Variants in PARD3 observed in about 807,000 individuals in gnomAD.
PARD3 encodes par-3 family cell polarity regulator, also known as partitioning defective 3 homolog.
A neutral mutation model predicts 155.4 loss-of-function variants in PARD3; 75 were observed. The ratio of observed to expected loss-of-function variants is 0.48; its 90% CI spans 0.40 to 0.58. The LOEUF (loss-of-function observed/expected upper bound fraction) is 0.58. Ranked by LOEUF, PARD3 falls within the 20% of genes least tolerant of loss-of-function variation. The pLI is 0.00. For synonymous variants in PARD3, 576 were observed against 610.5 expected, an observed-to-expected ratio of 0.94 and a Z score of 0.83; for missense variants, 1,642 against 1,721.7, an observed-to-expected ratio of 0.95 and a Z score of 0.82.
chr10:34,543,263 C>T (rs1479399620), intron 2 of PARD3, among the ~76,000 whole-genome samples: 1 of 151,886 alleles, frequency 6.6e-6, no homozygotes, highest in African/African-American at 2.4e-5. Flanking sequence ...AGAGCAAAAC[C>T]CTGTCTCCAA....
At chr10:34,610,428 T>C (rs1221413291) in intron 2 of PARD3, among the ~76,000 whole-genome samples, 1 of 152,156 alleles carries the variant, frequency 6.6e-6, no homozygotes, top group Non-Finnish European at 1.5e-5. Context: ...GGTCGGACAT[T>C]ATGGGAACAG....
At chr10:34,627,735 G>C (rs944557239) in intron 2 of PARD3, among the ~76,000 whole-genome samples, 1 of 152,300 alleles carries the variant, frequency 6.6e-6, no homozygotes, top group Non-Finnish European at 1.5e-5. Context: ...CCAGCCTCCA[G>C]AACTGTGAGA....
chr10:34,364,590 G>A (rs555360114), intron 12 of PARD3, among the ~76,000 whole-genome samples: 1 of 151,942 alleles, frequency 6.6e-6, no homozygotes, highest in Non-Finnish European at 1.5e-5. Flanking sequence ...ACACCACCAA[G>A]CCTGACTAAC....
intron 2 of PARD3, among the ~76,000 whole-genome samples, chr10:34,597,428 A>AT (rs2089384732): frequency 6.6e-6 from 1 of 150,964 alleles, no homozygotes; most frequent in Admixed American, 6.6e-5. Context: ...TTATTTATTT[A>AT]CTATTATTAT....
At chr10:34,742,213 T>G (rs997322496) in intron 1 of PARD3, among the ~76,000 whole-genome samples, 1 of 152,158 alleles carries the variant, frequency 6.6e-6, no homozygotes, top group African/African-American at 2.4e-5. Flanking sequence ...AATGACAAAC[T>G]ACAAACAATC....
In PARD3 at chr10:34,815,050, C is replaced by G. The variant is rs1844737995; in HGVS notation, c.-55G>C. On this transcript the variant is annotated 5_prime_UTR_variant, in exon 1 of 25. Transcript: ENST00000374788. ...CCTCGCCGAGCGCAGCCGGAGCAGC[C>G]GAGGCCGGGACCGAGGACGCTGGGC... 7.9e-7 allele frequency: 1 copy of G among 1,270,870 alleles called. No individual in the cohort carries two copies. The highest frequency in any genetic ancestry group is 1.0e-6 in the Non-Finnish European group (1 of 999,512). The allele number at this position is 1,270,870 out of a possible 1,614,324, so 78.7% of individuals were successfully genotyped here.
chr10:34,573,701 C>T (rs895376424), intron 2 of PARD3, among the ~76,000 whole-genome samples: 8 of 144,282 alleles, frequency 5.5e-5, no homozygotes, highest in Admixed American at 1.4e-4. Flanking sequence ...AACGAGACTC[C>T]GTCTCAAAAA....
At position 34,785,530 on chromosome 10, in the gene PARD3, G is replaced by C. The variant is rs186117301; in HGVS notation, c.120+29346C>G. On this transcript the variant is annotated intron_variant, in intron 1 of 24. Transcript: ENST00000374788. ...GGAGGCTGAGGCAGGCAGATTGCTT[G>C]AGCCCAAGAGTTAGAGACCAGCCTG... Among the ~76,000 whole-genome samples the C allele has an allele frequency of 3.5e-3, 526 of 152,110 alleles. 4 individuals carry two copies. The highest frequency in any genetic ancestry group is 0.011 in the African/African-American group (467 of 41,488).
At chr10:34,789,716 C>A (rs1191243297) in intron 1 of PARD3, among the ~76,000 whole-genome samples, 1 of 149,708 alleles carries the variant, frequency 6.7e-6, no homozygotes, top group Non-Finnish European at 1.5e-5. Flanking sequence ...CCCGCCCCCC[C>A]AAAAAAATAA....
At chr10:34,130,244 C>T (rs1947534843) in intron 23 of PARD3, among the ~76,000 whole-genome samples, 1 of 152,152 alleles carries the variant, frequency 6.6e-6, no homozygotes, top group African/African-American at 2.4e-5. Flanking sequence ...CCCTCTTGCA[C>T]ACTGCTAGGC....
intron 4 of PARD3, among the ~76,000 whole-genome samples, chr10:34,466,501 T>C (rs948339955): frequency 6.6e-5 from 10 of 152,202 alleles, no homozygotes; most frequent in Non-Finnish European, 1.0e-4. Flanking sequence ...ACTCTGCTCA[T>C]TTAACTTGGA....
At chr10:34,745,772 T>C (rs1009295730) in intron 1 of PARD3, among the ~76,000 whole-genome samples, 2 of 151,956 alleles carry the variant, frequency 1.3e-5, no homozygotes, top group Admixed American at 6.6e-5. Flanking sequence ...TAGTCCATAC[T>C]ATGTAAAGGA....
intron 2 of PARD3, among the ~76,000 whole-genome samples, chr10:34,558,224 T>C (rs2085173506): frequency 6.6e-6 from 1 of 152,206 alleles, no homozygotes; most frequent in East Asian, 1.9e-4. Context: ...ATGAATCTAC[T>C]ACCGCTATTT....
At chr10:34,534,181 G>C (rs948004822) in intron 2 of PARD3, among the ~76,000 whole-genome samples, 5 of 151,346 alleles carry the variant, frequency 3.3e-5, no homozygotes, top group Admixed American at 3.3e-4. Flanking sequence ...CAGGAGAATG[G>C]CATGAACCTG....
intron 22 of PARD3, among the ~76,000 whole-genome samples, chr10:34,218,135 T>C (rs1432237462): frequency 1.3e-5 from 2 of 152,198 alleles, no homozygotes; most frequent in Non-Finnish European, 2.9e-5. Flanking sequence ...CACCTGACTG[T>C]TGGTCTTTTA....
chr10:34,602,047 AAAG>A (rs1055929772), intron 2 of PARD3, among the ~76,000 whole-genome samples: 1 of 152,236 alleles, frequency 6.6e-6, no homozygotes, highest in Admixed American at 6.5e-5. Context: ...ATTATAAAAA[AAAG>A]AAGTGTACTT....
chr10:34,207,168 G>A lies in PARD3; in HGVS notation c.3419+62489C>T, dbSNP rs1016122654. Among the ~76,000 whole-genome samples the A allele has an allele frequency of 5.3e-5, 8 of 152,140 alleles. No individual in the cohort carries two copies. The South Asian group carries it at 6.2e-4, about 12-fold the overall frequency. On this transcript the variant is annotated intron_variant, in intron 22 of 24. Transcript: ENST00000374788. ...TATCAAGCCTACATCAGCAATTCACGCCTCAAATACTTCCTCCTTTATCTC... is the reference window on the plus strand; with the variant it reads ...TATCAAGCCTACATCAGCAATTCACACCTCAAATACTTCCTCCTTTATCTC...
At chr10:34,512,918 A>C (rs919993239) in intron 3 of PARD3, among the ~76,000 whole-genome samples, 1 of 152,156 alleles carries the variant, frequency 6.6e-6, no homozygotes, top group Non-Finnish European at 1.5e-5. Flanking sequence ...TACCAACGAC[A>C]AACAGTTTCC....
At chr10:34,141,604 A>C (rs1332866381) in intron 22 of PARD3, among the ~76,000 whole-genome samples, 1 of 152,206 alleles carries the variant, frequency 6.6e-6, no homozygotes, top group East Asian at 1.9e-4. Context: ...TCTGGGTAAC[A>C]GGACTATCAT....
Sources: allele counts gnomAD v4.1 joint callset (sites outside exome capture counted in the v4.1 genomes callset), GRCh38; gene constraint gnomAD v4.1.1; transcripts MANE v1.5; gene names NCBI Gene and HGNC (gene_info 2026-07-23, HGNC 2026-07-21).